The following AKAP6 variants were observed in gnomAD, a reference collection of about 807,000 sequenced individuals.
AKAP6 encodes the protein A-kinase anchor protein 6.
Under a neutral mutation model 188.5 loss-of-function variants are expected in AKAP6, and 58 were observed. The ratio of observed to expected loss-of-function variants is 0.31; its 90% CI spans 0.25 to 0.38. AKAP6 has a LOEUF of 0.38. Among genes scored for constraint, AKAP6 ranks in the 10% least tolerant of loss-of-function variants. The probability of loss-of-function intolerance (pLI) is 1.00; values close to 1 mark genes in which losing one functional copy is unlikely to be tolerated. For missense variants in AKAP6, 2,710 were observed against 2,740.0 expected, an observed-to-expected ratio of 0.99 and a Z score of 0.24; for synonymous variants, 989 against 998.6, an observed-to-expected ratio of 0.99 and a Z score of 0.18.
chr14:32,645,323 A>T (rs1017607649), intron 7 of AKAP6, among the ~76,000 whole-genome samples: 6 of 152,226 alleles, frequency 3.9e-5, no homozygotes, highest in African/African-American at 1.2e-4. Context: ...AATCCCATTA[A>T]GCTATCAGTA....
intron 2 of AKAP6, among the ~76,000 whole-genome samples, chr14:32,472,362 G>A (rs1025703028): frequency 2.0e-5 from 3 of 152,088 alleles, no homozygotes; most frequent in African/African-American, 7.2e-5. Context: ...TTAGCAGGTG[G>A]GGTAAATAAG....
At chr14:32,724,652 G>C (rs940831330) in intron 9 of AKAP6, among the ~76,000 whole-genome samples, 1 of 152,122 alleles carries the variant, frequency 6.6e-6, no homozygotes, top group Non-Finnish European at 1.5e-5. Context: ...TAAGGAGTTA[G>C]AGCAAATGCC....
chr14:32,592,853 A>C (rs1885543201), intron 5 of AKAP6, among the ~76,000 whole-genome samples: 1 of 152,154 alleles, frequency 6.6e-6, no homozygotes, highest in African/African-American at 2.4e-5. Context: ...GGTTGGCCAA[A>C]GCTACACAGT....
intron 4 of AKAP6, among the ~76,000 whole-genome samples, chr14:32,561,599 A>G (rs1336220604): frequency 6.6e-6 from 1 of 152,186 alleles, no homozygotes; most frequent in East Asian, 1.9e-4. Context: ...CCTAATGGTA[A>G]GTGAATGTGA....
intron 11 of AKAP6, among the ~76,000 whole-genome samples, chr14:32,750,937 A>G (rs1158518937): frequency 4.6e-5 from 7 of 151,086 alleles, no homozygotes; most frequent in Non-Finnish European, 1.5e-5. Flanking sequence ...GGGTTTCACC[A>G]TGTTAGCCAG....
chr14:32,453,606 T>C (rs1270303044), intron 2 of AKAP6, among the ~76,000 whole-genome samples: 1 of 38,396 alleles, frequency 2.6e-5, no homozygotes, highest in Non-Finnish European at 4.6e-5. Flanking sequence ...TTTTTTTTTT[T>C]TTTTTTTTGA....
chr14:32,559,079 G>C (rs1883814973), intron 4 of AKAP6, among the ~76,000 whole-genome samples: 1 of 152,202 alleles, frequency 6.6e-6, no homozygotes, highest in South Asian at 2.1e-4. Flanking sequence ...CCAAGTGTTT[G>C]CATAGCATAG....
chr14:32,829,871 G>T lies in AKAP6; in HGVS notation c.*66G>T, dbSNP rs1301645518. 4.3e-6 allele frequency: 3 copies of T among 702,334 alleles called. No homozygotes were observed. The highest frequency in any genetic ancestry group is 3.5e-5 in the African/African-American group (2 of 57,292). The allele number at this position is 702,334 out of a possible 1,614,324, so 43.5% of individuals were successfully genotyped here. A position where few individuals can be genotyped will look rare whatever the true frequency, so the allele number is the denominator to read the frequency against. On this transcript the variant is annotated 3_prime_UTR_variant, in exon 14 of 14. Transcript: ENST00000280979. The stretch of plus-strand genomic sequence containing the variant: ...AGATACGCCTGGCTGCAACTCAGGG[G>T]TGGCCTCATCCTCCCGCCCTGGGCT...
intron 9 of AKAP6, among the ~76,000 whole-genome samples, chr14:32,729,518 A>G (rs1349483327): frequency 6.6e-6 from 1 of 151,870 alleles, no homozygotes; most frequent in Non-Finnish European, 1.5e-5. Flanking sequence ...GTTATTTTTA[A>G]CTCCTTTTTT....
At chr14:32,778,529 A>G (rs541684606) in intron 12 of AKAP6, among the ~76,000 whole-genome samples, 8 of 151,892 alleles carry the variant, frequency 5.3e-5, no homozygotes, top group African/African-American at 1.9e-4. Context: ...GATAAAATAT[A>G]TGGTTTTGGG....
intron 3 of AKAP6, among the ~76,000 whole-genome samples, chr14:32,538,787 A>G (rs1882795281): frequency 1.3e-5 from 2 of 152,304 alleles, no homozygotes; most frequent in South Asian, 4.1e-4. Flanking sequence ...ATTTAAGAAT[A>G]GGTTAAGTGA....
intron 10 of AKAP6, 173 bp downstream of exon 10, chr14:32,732,773 T>C: frequency 1.3e-6 from 1 of 785,974 alleles, no homozygotes; most frequent in Non-Finnish European, 2.0e-6. Flanking sequence ...TCCTCTTCTG[T>C]TGATTTTTTT....
intron 7 of AKAP6, among the ~76,000 whole-genome samples, chr14:32,651,657 C>T (rs1455870939): frequency 1.3e-5 from 2 of 152,108 alleles, no homozygotes; most frequent in Non-Finnish European, 2.9e-5. Flanking sequence ...CAAGAGCACA[C>T]TCCCTTTGAC....
intron 7 of AKAP6, among the ~76,000 whole-genome samples, chr14:32,621,522 T>A (rs1250309743): frequency 6.6e-6 from 1 of 152,160 alleles, no homozygotes; most frequent in Non-Finnish European, 1.5e-5. Flanking sequence ...TTTTTTCTGC[T>A]GTAGTCTGAT....
chr14:32,602,807 G>A (rs1000428957), intron 7 of AKAP6, among the ~76,000 whole-genome samples: 2 of 152,134 alleles, frequency 1.3e-5, no homozygotes, highest in African/African-American at 4.8e-5. Context: ...CTTCCTTAAG[G>A]TCGCACAGCT....
intron 1 of AKAP6, among the ~76,000 whole-genome samples, chr14:32,407,242 T>C (rs534977386): frequency 1.6e-4 from 25 of 152,316 alleles, no homozygotes; most frequent in African/African-American, 6.0e-4. Context: ...CTGGGAACTT[T>C]TACTAATCTA....
intron 8 of AKAP6, among the ~76,000 whole-genome samples, chr14:32,685,259 G>T (rs992550408): frequency 6.6e-6 from 1 of 151,906 alleles, no homozygotes; most frequent in Non-Finnish European, 1.5e-5. Context: ...CTGAAACCAT[G>T]TCTCAAAAAA....
intron 12 of AKAP6, among the ~76,000 whole-genome samples, chr14:32,776,404 T>C (rs1051624625): frequency 6.6e-6 from 1 of 152,194 alleles, no homozygotes; most frequent in Non-Finnish European, 1.5e-5. Context: ...TGCTGCCATG[T>C]AAGATGTGCC....
intron 9 of AKAP6, among the ~76,000 whole-genome samples, chr14:32,710,833 TC>T (rs1163983827): frequency 6.6e-6 from 1 of 152,032 alleles, no homozygotes; most frequent in Non-Finnish European, 1.5e-5. Flanking sequence ...TAAAACAGAA[TC>T]GGGGCTGACA....
Sources: gnomAD v4.1 joint callset for allele counts (sites outside exome capture counted in the v4.1 genomes callset) on GRCh38, gnomAD v4.1.1 for gene constraint, MANE v1.5 for transcripts, NCBI Gene and HGNC (gene_info 2026-07-23, HGNC 2026-07-21) for gene names.